The following TMEM217 variants were observed in gnomAD, a reference collection of about 807,000 sequenced individuals.
The protein encoded by TMEM217 is chromosome 6 open reading frame 128.
For synonymous variants in TMEM217, 76 were observed against 88.3 expected, an observed-to-expected ratio of 0.86 and a Z score of 0.78; for missense variants, 204 against 248.8, an observed-to-expected ratio of 0.82 and a Z score of 1.21.
At chr6:37,258,026 C>T (rs1224223411) in exon 1 of TMEM217, 1 of 1,590,376 alleles carries the variant, frequency 6.3e-7, no homozygotes, top group Non-Finnish European at 8.6e-7. Flanking sequence ...CCTTCCAGAT[C>T]CTAATCCCTG....
chr6:37,228,028 C>G (rs575622114), intron 1 of TMEM217, among the ~76,000 whole-genome samples: 1 of 152,144 alleles, frequency 6.6e-6, no homozygotes, highest in African/African-American at 2.4e-5. Context: ...AAAGAGACTT[C>G]TAAAGCAAGA....
chr6:37,229,344 T>G (rs942928519), intron 1 of TMEM217, among the ~76,000 whole-genome samples: 12 of 127,730 alleles, frequency 9.4e-5, no homozygotes, highest in Non-Finnish European at 1.3e-4. Context: ...AGTTTTTTTT[T>G]TTTTTTTTTT....
At chr6:37,235,542 T>C (rs1004778620) in intron 1 of TMEM217, among the ~76,000 whole-genome samples, 17 of 152,090 alleles carry the variant, frequency 1.1e-4, no homozygotes, top group Non-Finnish European at 2.2e-4. Context: ...ATTTTTTCTA[T>C]TTTTTAGTAG....
At chr6:37,255,743 G>C (rs904865122) in intron 1 of TMEM217, among the ~76,000 whole-genome samples, 1 of 152,026 alleles carries the variant, frequency 6.6e-6, no homozygotes, top group Non-Finnish European at 1.5e-5. Context: ...AAGGGGCTAA[G>C]AGTGGAAGCA....
chr6:37,220,725 C>T (rs1293233099), intron 1 of TMEM217, among the ~76,000 whole-genome samples: 2 of 152,098 alleles, frequency 1.3e-5, no homozygotes, highest in Admixed American at 6.6e-5. Context: ...TAAGAATCTT[C>T]ATCAGTAATT....
At chr6:37,224,061 C>T (rs1216337559) in intron 1 of TMEM217, among the ~76,000 whole-genome samples, 1 of 151,552 alleles carries the variant, frequency 6.6e-6, no homozygotes. Context: ...CTCAGCCTCC[C>T]GAGTAGCTGG....
intron 1 of TMEM217, among the ~76,000 whole-genome samples, chr6:37,248,250 A>G (rs1320675777): frequency 1.3e-5 from 2 of 152,112 alleles, no homozygotes; most frequent in African/African-American, 4.8e-5. Flanking sequence ...CTTGTTGAGG[A>G]CAGGGGCTGT....
chr6:37,222,591 C>T (rs1310329463), intron 1 of TMEM217, among the ~76,000 whole-genome samples: 2 of 152,236 alleles, frequency 1.3e-5, no homozygotes, highest in Non-Finnish European at 2.9e-5. Context: ...AGGTCTGCAG[C>T]CGTGGGTCCT....
upstream of TMEM217, chr6:37,258,124 C>A: frequency 2.3e-6 from 2 of 860,246 alleles, no homozygotes; most frequent in Non-Finnish European, 3.5e-6. Context: ...AGCTGTCAGG[C>A]AGCGAAGCGA....
chr6:37,242,283 C>G (rs187333676), intron 1 of TMEM217, among the ~76,000 whole-genome samples: 1 of 152,278 alleles, frequency 6.6e-6, no homozygotes. Context: ...CAAACACAGG[C>G]CCCCACGGTG....
chr6:37,230,062 G>A (rs1764110113), intron 1 of TMEM217, among the ~76,000 whole-genome samples: 1 of 152,196 alleles, frequency 6.6e-6, no homozygotes, highest in African/African-American at 2.4e-5. Flanking sequence ...CTGGCTGTTA[G>A]CTGAGGGCCA....
At chr6:37,235,999 A>G (rs1275023714) in intron 1 of TMEM217, among the ~76,000 whole-genome samples, 1 of 152,226 alleles carries the variant, frequency 6.6e-6, no homozygotes, top group Non-Finnish European at 1.5e-5. Flanking sequence ...AGTTTAAAAT[A>G]TTCATACTAG....
At chr6:37,215,445 C>T (rs546616252), downstream of TMEM217, among the ~76,000 whole-genome samples, 314 of 151,572 alleles carry the variant, frequency 2.1e-3, no homozygotes, top group Admixed American at 5.4e-3. Flanking sequence ...CATGGTGGCA[C>T]GCGCCAACTA....
intron 1 of TMEM217, among the ~76,000 whole-genome samples, chr6:37,252,160 T>A (rs1247984088): frequency 6.6e-6 from 1 of 152,274 alleles, no homozygotes; most frequent in Non-Finnish European, 1.5e-5. Context: ...CCCAAAGTGC[T>A]GGGATTACAG....
At chr6:37,229,986 C>T (rs1764105498) in intron 1 of TMEM217, among the ~76,000 whole-genome samples, 2 of 152,200 alleles carry the variant, frequency 1.3e-5, no homozygotes, top group Non-Finnish European at 1.5e-5. Context: ...CCCCTTCTAG[C>T]CTCCTTCAGT....
intron 1 of TMEM217, among the ~76,000 whole-genome samples, chr6:37,245,531 G>A (rs1477866314): frequency 1.3e-5 from 2 of 152,232 alleles, no homozygotes; most frequent in Admixed American, 6.5e-5. Flanking sequence ...GGAAGGTTGG[G>A]AAAATAAGTA....
intron 1 of TMEM217, among the ~76,000 whole-genome samples, chr6:37,232,631 G>A (rs1174531330): frequency 1.3e-5 from 2 of 152,164 alleles, no homozygotes; most frequent in African/African-American, 4.8e-5. Context: ...GCTAGTCCAA[G>A]CCTTTGGTCC....
intron 1 of TMEM217, among the ~76,000 whole-genome samples, chr6:37,223,839 G>T (rs922029946): frequency 6.6e-6 from 1 of 151,490 alleles, no homozygotes; most frequent in Non-Finnish European, 1.5e-5. Flanking sequence ...TATTTATAGA[G>T]ATGGAGTCTT....
In TMEM217 at chr6:37,219,057, A is replaced by G; in HGVS notation, c.-11-16T>C. 6.3e-7 allele frequency: 1 copy of G among 1,594,260 alleles called. No individual in the cohort carries two copies. Among genetic ancestry groups the G allele is most frequent in the Non-Finnish European group, 8.6e-7 (1 of 1,167,204 alleles). ...CTGAGACCTCCTGTGAAGACAAACA[A>G]CATGAGGGAGAATTCTAGTTCCTGC... On this transcript the variant is annotated splice_polypyrimidine_tract_variant and intron_variant, in intron 1 of 1. Coordinates refer to ENST00000357219, the Ensembl canonical transcript of TMEM217.
Sources: gnomAD v4.1 joint callset for allele counts (sites outside exome capture counted in the v4.1 genomes callset) on GRCh38, gnomAD v4.1.1 for gene constraint, MANE v1.5 for transcripts, NCBI Gene and HGNC (gene_info 2026-07-23, HGNC 2026-07-21) for gene names.